Variants in MTA3 observed in about 807,000 individuals in gnomAD.
MTA3 encodes metastasis associated 1 family member 3.
A neutral mutation model predicts 83.5 loss-of-function variants in MTA3; 34 were observed. The observed-to-expected ratio is 0.41, with a 90% confidence interval of 0.31 to 0.54. The LOEUF (loss-of-function observed/expected upper bound fraction) is 0.54. Among genes scored for constraint, MTA3 ranks in the 20% least tolerant of loss-of-function variants. The pLI, the probability that MTA3 is intolerant of heterozygous loss-of-function variation, is 0.33. For synonymous variants in MTA3, 303 were observed against 252.7 expected (o/e 1.20, Z -1.89); for missense variants, 761 against 726.4 (o/e 1.05, Z -0.55).
intron 16 of MTA3, among the ~76,000 whole-genome samples, chr2:42,738,326 T>C (rs1210477416): frequency 6.6e-6 from 1 of 152,210 alleles, no homozygotes. Flanking sequence ...GAAGATTTTA[T>C]GGGCATTTAT....
chr2:42,581,360 CTTTTTT>C (rs778419810), intron 3 of MTA3, among the ~76,000 whole-genome samples: 23 of 88,270 alleles, frequency 2.6e-4, no homozygotes, highest in African/African-American at 7.6e-4. Flanking sequence ...TCCCAAATTG[CTTTTTT>C]TTTTTTTTTT....
chr2:42,753,693 C>G lies in MTA3; in HGVS notation c.*294C>G. 8.0e-7 allele frequency: 1 copy of G among 1,246,788 alleles called. No individual in the cohort carries two copies. Among genetic ancestry groups the G allele is most frequent in the Non-Finnish European group, 1.0e-6 (1 of 984,636 alleles). The allele number at this position is 1,246,788 out of a possible 1,614,324, so 77.2% of individuals were successfully genotyped here. A position where few individuals can be genotyped will look rare whatever the true frequency, so the allele number is the denominator to read the frequency against. ...AGGGAACCCCTCCACCTCCTCCCTTCTGCAGCGCCCTGCGCCCCACCCAGC... is the reference window on the plus strand; with the variant it reads ...AGGGAACCCCTCCACCTCCTCCCTTGTGCAGCGCCCTGCGCCCCACCCAGC... On this transcript the variant is annotated 3_prime_UTR_variant, in exon 17 of 17. Coordinates refer to ENST00000405094, the MANE Select transcript of MTA3 (RefSeq NM_001330442.2).
At chr2:42,632,515 A>T (rs1222289530) in intron 4 of MTA3, among the ~76,000 whole-genome samples, 1 of 152,136 alleles carries the variant, frequency 6.6e-6, no homozygotes, top group Non-Finnish European at 1.5e-5. Flanking sequence ...GGAGAGGAGG[A>T]TCTTTCCAAT....
intron 16 of MTA3, among the ~76,000 whole-genome samples, chr2:42,747,827 A>G (rs1265732471): frequency 2.0e-5 from 3 of 151,988 alleles, no homozygotes; most frequent in Non-Finnish European, 4.4e-5. Flanking sequence ...TATTATTAAA[A>G]TATACAATTT....
At chr2:42,580,590 T>TG (rs1679510095) in intron 3 of MTA3, among the ~76,000 whole-genome samples, 1 of 152,030 alleles carries the variant, frequency 6.6e-6, no homozygotes, top group Admixed American at 6.6e-5. Context: ...CAGGCTGGTC[T>TG]GGAACTCCTG....
intron 11 of MTA3, among the ~76,000 whole-genome samples, chr2:42,701,857 G>A (rs989698873): frequency 1.3e-5 from 2 of 151,942 alleles, no homozygotes; most frequent in Non-Finnish European, 2.9e-5. Flanking sequence ...AGAGGTTGCA[G>A]TGAGCCGAGA....
intron 2 of MTA3, among the ~76,000 whole-genome samples, chr2:42,552,540 T>C (rs1018358295): frequency 6.6e-6 from 1 of 150,670 alleles, no homozygotes; most frequent in African/African-American, 2.5e-5. Flanking sequence ...GAGGATCCCT[T>C]GAGCCCAGGA....
chr2:42,625,823 A>G (rs1320758307), intron 4 of MTA3, among the ~76,000 whole-genome samples: 1 of 150,830 alleles, frequency 6.6e-6, no homozygotes, highest in Non-Finnish European at 1.5e-5. Context: ...TATTATCTGC[A>G]TGCACAGTTC....
At chr2:42,699,894 C>T (rs891911159) in intron 11 of MTA3, among the ~76,000 whole-genome samples, 1 of 152,028 alleles carries the variant, frequency 6.6e-6, no homozygotes, top group Admixed American at 6.5e-5. Context: ...GATAAGATTT[C>T]TGAGGGATAG....
intron 8 of MTA3, among the ~76,000 whole-genome samples, chr2:42,661,529 GAA>G (rs1171961816): frequency 4.4e-5 from 1 of 22,480 alleles, no homozygotes; most frequent in Non-Finnish European, 8.6e-5. Flanking sequence ...AAAAAAAAAA[GAA>G]AAAGATATTT....
chr2:42,721,801 A>G (rs764022300), intron 15 of MTA3, among the ~76,000 whole-genome samples: 1 of 152,214 alleles, frequency 6.6e-6, no homozygotes, highest in Non-Finnish European at 1.5e-5. Flanking sequence ...AGTGAGTCCA[A>G]GGACTTGAAA....
intron 2 of MTA3, among the ~76,000 whole-genome samples, chr2:42,506,465 A>G (rs1292972990): frequency 6.6e-6 from 1 of 151,812 alleles, no homozygotes; most frequent in Non-Finnish European, 1.5e-5. Context: ...AATATTATAT[A>G]TATATATTTT....
intron 3 of MTA3, among the ~76,000 whole-genome samples, chr2:42,606,420 CG>C (rs1405920359): frequency 1.3e-5 from 2 of 148,980 alleles, no homozygotes; most frequent in African/African-American, 5.0e-5. Flanking sequence ...ACCTCCCAGA[CG>C]GGGCGGCGGG....
intron 2 of MTA3, among the ~76,000 whole-genome samples, chr2:42,508,450 G>T (rs991349259): frequency 1.3e-5 from 2 of 151,942 alleles, no homozygotes; most frequent in African/African-American, 2.4e-5. Context: ...TCCCACCTCA[G>T]CCCCCTGAGC....
At chr2:42,707,808 G>T in intron 12 of MTA3, 95 bp from the exon 13 acceptor site, 1 of 1,278,536 alleles carries the variant, frequency 7.8e-7, no homozygotes. Flanking sequence ...TGTAAACTAA[G>T]CATGACAAGT....
chr2:42,681,879 A>C (rs1264627255), intron 8 of MTA3, among the ~76,000 whole-genome samples: 1 of 151,706 alleles, frequency 6.6e-6, no homozygotes, highest in Non-Finnish European at 1.5e-5. Flanking sequence ...TAACAGAGCA[A>C]GAGCCTATCT....
chr2:42,511,019 G>A (rs533406265), intron 2 of MTA3, among the ~76,000 whole-genome samples: 46 of 152,274 alleles, frequency 3.0e-4, no homozygotes, highest in African/African-American at 9.9e-4. Flanking sequence ...AACACCTGCT[G>A]TTCTTACCCT....
At chr2:42,508,789 T>G (rs1275133911) in intron 2 of MTA3, among the ~76,000 whole-genome samples, 1 of 147,088 alleles carries the variant, frequency 6.8e-6, no homozygotes, top group Non-Finnish European at 1.5e-5. Context: ...TAATATATCA[T>G]AGATTAAATA....
intron 2 of MTA3, among the ~76,000 whole-genome samples, chr2:42,562,537 G>C (rs1677715491): frequency 6.6e-6 from 1 of 152,276 alleles, no homozygotes; most frequent in East Asian, 1.9e-4. Flanking sequence ...GGTCAGCACA[G>C]GCCATTCCCC....
Sources: gnomAD v4.1 joint callset for allele counts (sites outside exome capture counted in the v4.1 genomes callset) on GRCh38, gnomAD v4.1.1 for gene constraint, MANE v1.5 for transcripts, NCBI Gene and HGNC (gene_info 2026-07-23, HGNC 2026-07-21) for gene names.